The following IL4I1 variants were observed in gnomAD, a reference collection of about 807,000 sequenced individuals.
IL4I1 encodes interleukin 4 induced 1, also known as L-amino-acid oxidase.
In IL4I1, 24 loss-of-function variants were observed where a neutral mutation model predicts 29.7. That is an observed-to-expected ratio of 0.81 (90% CI 0.59 to 1.14). The LOEUF (loss-of-function observed/expected upper bound fraction) is 1.14. IL4I1 is among the 50% of genes most tolerant of loss of function. IL4I1 has a pLI of 0.00. For missense variants in IL4I1, 686 were observed against 785.6 expected (o/e 0.87, Z 1.52); for synonymous variants, 371 against 352.5 (o/e 1.05, Z -0.59).
In IL4I1 at chr19:49,894,775, G is replaced by C. The variant is rs143856524; in HGVS notation, c.365+293C>G. On this transcript the variant is annotated intron_variant, in intron 4 of 7. Transcript: ENST00000391826. ...GAGATGAAGAAGGGGCCTGGGGCTG[G>C]GGTGCCTGAGGGTGTGGGGATGGTG... Among the ~76,000 whole-genome samples, 1,515 of 152,092 alleles carry C rather than the reference G, an allele frequency of 1.0e-2. 14 individuals are homozygous for C. The highest frequency in any genetic ancestry group is 0.013 in the Non-Finnish European group (913 of 67,962).
At chr19:49,906,209 CA>C (rs915873180) in intron 2 of IL4I1, among the ~76,000 whole-genome samples, 1 of 151,898 alleles carries the variant, frequency 6.6e-6, no homozygotes, top group African/African-American at 2.4e-5. Context: ...GATGACTTAA[CA>C]TGTGTGTATA....
At chr19:49,916,306 G>A (rs568306129) in intron 2 of IL4I1, among the ~76,000 whole-genome samples, 36 of 152,066 alleles carry the variant, frequency 2.4e-4, no homozygotes, top group African/African-American at 8.7e-4. Flanking sequence ...TGGATCACCT[G>A]AGGTCAGGAG....
chr19:49,926,521 C>T (rs2075894117), intron 2 of IL4I1, among the ~76,000 whole-genome samples: 1 of 147,558 alleles, frequency 6.8e-6, no homozygotes, highest in African/African-American at 2.5e-5. Flanking sequence ...CACAGCAAGA[C>T]TCTGTCTCAA....
chr19:49,924,989 C>T (rs1204679141), intron 2 of IL4I1, among the ~76,000 whole-genome samples: 4 of 152,166 alleles, frequency 2.6e-5, no homozygotes, highest in African/African-American at 4.8e-5. Context: ...GGGCCAGGCG[C>T]GGTGGTTCAC....
At chr19:49,896,249 T>C in intron 1 of IL4I1, 67 bp from the exon 2 acceptor site, 1 of 1,454,966 alleles carries the variant, frequency 6.9e-7, no homozygotes, top group Non-Finnish European at 9.1e-7. Flanking sequence ...TGACTCTGTC[T>C]CCCATGGGCT....
chr19:49,912,166 C>CGT (rs2075481591), intron 2 of IL4I1, among the ~76,000 whole-genome samples: 1 of 115,486 alleles, frequency 8.7e-6, no homozygotes, highest in Non-Finnish European at 1.7e-5. Flanking sequence ...AACAGTTCAC[C>CGT]TTTTTTTTTT....
intron 1 of IL4I1, among the ~76,000 whole-genome samples, chr19:49,896,625 G>A (rs1009190359): frequency 1.3e-5 from 2 of 152,060 alleles, no homozygotes; most frequent in African/African-American, 4.8e-5. Flanking sequence ...GTAGAGACGG[G>A]GTTTCGCCAT....
At chr19:49,911,890 C>G (rs1228791057) in intron 2 of IL4I1, among the ~76,000 whole-genome samples, 1 of 152,198 alleles carries the variant, frequency 6.6e-6, no homozygotes, top group Non-Finnish European at 1.5e-5. Context: ...TGGGGCCTGG[C>G]CCGGCCTACA....
At chr19:49,903,301 T>C (rs758768047) in intron 3 of IL4I1, among the ~76,000 whole-genome samples, 6 of 152,076 alleles carry the variant, frequency 3.9e-5, no homozygotes, top group Non-Finnish European at 8.8e-5. Flanking sequence ...GCGCACCCGG[T>C]CTGCTTCTTG....
upstream of IL4I1, chr19:49,901,717 T>G (rs1261927394): frequency 6.5e-7 from 1 of 1,527,882 alleles, no homozygotes; most frequent in Non-Finnish European, 8.8e-7. Context: ...TCGTTGGGCA[T>G]GTGCGGAATC....
At chr19:49,906,635 T>A (rs1475318437) in intron 2 of IL4I1, among the ~76,000 whole-genome samples, 6 of 152,360 alleles carry the variant, frequency 3.9e-5, no homozygotes, top group Admixed American at 3.9e-4. Context: ...AAACCACGAT[T>A]TGCATTTGTC....
intron 3 of IL4I1, among the ~76,000 whole-genome samples, chr19:49,903,417 C>T (rs1469410742): frequency 2.0e-5 from 3 of 152,126 alleles, no homozygotes; most frequent in Non-Finnish European, 4.4e-5. Flanking sequence ...TCACCAGGGC[C>T]CTGGTGTGCA....
At chr19:49,919,131 C>T (rs1165004316) in intron 2 of IL4I1, among the ~76,000 whole-genome samples, 1 of 152,226 alleles carries the variant, frequency 6.6e-6, no homozygotes, top group South Asian at 2.1e-4. Context: ...CCAGCCTGGG[C>T]AACAAGAGTG....
intron 2 of IL4I1, among the ~76,000 whole-genome samples, chr19:49,918,265 A>C (rs2122699323): frequency 6.6e-6 from 1 of 152,144 alleles, no homozygotes; most frequent in Non-Finnish European, 1.5e-5. Flanking sequence ...GGGTCTCACT[A>C]TGTTGCCCAG....
At chr19:49,911,650 C>A (rs1183765287) in intron 2 of IL4I1, among the ~76,000 whole-genome samples, 1 of 152,184 alleles carries the variant, frequency 6.6e-6, no homozygotes, top group Non-Finnish European at 1.5e-5. Context: ...GGGGAGATGA[C>A]CCCAGGGCCA....
At chr19:49,895,764 C>G (rs1330526288) in intron 3 of IL4I1, 51 bp downstream of exon 3, 2 of 1,491,580 alleles carry the variant, frequency 1.3e-6, no homozygotes, top group Non-Finnish European at 1.8e-6. Context: ...CCCAGGGACT[C>G]CAGCCTGCAG....
At chr19:49,920,654 TTTCTAAGGGCAGGC>T (rs2075744229) in intron 2 of IL4I1, among the ~76,000 whole-genome samples, 1 of 151,112 alleles carries the variant, frequency 6.6e-6, no homozygotes, top group Non-Finnish European at 1.5e-5. Context: ...TCGGGCAGAG[TTTCTAAGGGCAGGC>T]CCATGCCTTC....
chr19:49,890,937 C>CCCCCCCCCCCCCCCCCCCCG, intron 7 of IL4I1, 34 bp downstream of exon 7: 1 of 160,026 alleles, frequency 6.2e-6, no homozygotes, highest in Non-Finnish European at 1.2e-5. Flanking sequence ...TTGCCCCCCG[C>CCCCCCCCCCCCCCCCCCCCG]CCCCCCCCCC....
chr19:49,910,175 G>C (rs1406961834), intron 2 of IL4I1, among the ~76,000 whole-genome samples: 2 of 152,154 alleles, frequency 1.3e-5, no homozygotes, highest in Admixed American at 1.3e-4. Context: ...ACCCACCTCA[G>C]CCTGAGGAGA....
Sources: allele counts gnomAD v4.1 joint callset (sites outside exome capture counted in the v4.1 genomes callset), GRCh38; gene constraint gnomAD v4.1.1; transcripts MANE v1.5; gene names NCBI Gene and HGNC (gene_info 2026-07-23, HGNC 2026-07-21).